Variants in SGSM1 observed in about 807,000 individuals in gnomAD.
SGSM1 encodes the protein small G protein signaling modulator 1, also known as RUN and TBC1 domain containing 2.
A neutral mutation model predicts 133.8 loss-of-function variants in SGSM1; 73 were observed. The ratio of observed to expected loss-of-function variants is 0.55; its 90% CI spans 0.45 to 0.66. SGSM1 has a LOEUF of 0.66. Ranked by LOEUF, SGSM1 falls within the 30% of genes least tolerant of loss-of-function variation. The pLI is 0.00. For synonymous variants in SGSM1, 563 were observed against 573.0 expected, an observed-to-expected ratio of 0.98 and a Z score of 0.25; for missense variants, 1,213 against 1,448.1, an observed-to-expected ratio of 0.84 and a Z score of 2.64.
At chr22:24,895,574 G>A (rs1932895422) in intron 18 of SGSM1, among the ~76,000 whole-genome samples, 1 of 152,118 alleles carries the variant, frequency 6.6e-6, no homozygotes, top group Non-Finnish European at 1.5e-5. Context: ...ACTATCATGA[G>A]TTTGCTGTGT....
chr22:24,835,096 G>A (rs1371966867), intron 2 of SGSM1, among the ~76,000 whole-genome samples: 2 of 152,078 alleles, frequency 1.3e-5, no homozygotes, highest in East Asian at 1.9e-4. Context: ...TACTGCCCTT[G>A]GTGGTGATGT....
chr22:24,858,766 C>T (rs1395536891), intron 8 of SGSM1, among the ~76,000 whole-genome samples: 1 of 152,166 alleles, frequency 6.6e-6, no homozygotes, highest in Non-Finnish European at 1.5e-5. Flanking sequence ...TTCCTATGGG[C>T]ACAGCAGGTT....
rs1286553491 is a variant in SGSM1 at position 24,901,867 on chromosome 22, A to G, written c.2645A>G (p.His882Arg). Residue 882 changes from histidine to arginine, a missense_variant, in exon 20 of 25, where the codon CAC (histidine) becomes CGC (arginine). Physicochemically the swap from His to Arg is conservative, Grantham distance 29. Transcript: ENST00000400358. The stretch of plus-strand genomic sequence containing the variant: ...CTGGATCTGTACACGGTGAACCTGC[A>G]CCGCATCGAGAAGGATGTGCAGAGG... ...ELLDLYTVNL[H>R]RIEKDVQRCD... 6.2e-7 allele frequency: 1 copy of G among 1,612,566 alleles called. No homozygotes were observed. Among genetic ancestry groups the G allele is most frequent in the Non-Finnish European group, 8.5e-7 (1 of 1,179,454 alleles).
intron 2 of SGSM1, among the ~76,000 whole-genome samples, chr22:24,807,226 T>C (rs1436371520): frequency 6.6e-6 from 1 of 152,148 alleles, no homozygotes; most frequent in Non-Finnish European, 1.5e-5. Context: ...TTTATAGTCC[T>C]TGGGGTAGCA....
intron 9 of SGSM1, among the ~76,000 whole-genome samples, chr22:24,860,893 G>A (rs1244513709): frequency 1.7e-5 from 1 of 59,846 alleles, no homozygotes; most frequent in African/African-American, 8.3e-5. Context: ...GAGCGAGACT[G>A]TCTTAAAAAA....
At chr22:24,908,300 G>C (rs532390979) in intron 21 of SGSM1, among the ~76,000 whole-genome samples, 1 of 150,858 alleles carries the variant, frequency 6.6e-6, no homozygotes, top group Non-Finnish European at 1.5e-5. Context: ...CTTGGGCTAG[G>C]GAATTTTTTT....
At position 24,831,125 on chromosome 22, in the gene SGSM1, A is replaced by C. The variant is rs1929095211; in HGVS notation, c.64-13772A>C. Among the ~76,000 whole-genome samples the C allele has an allele frequency of 2.1e-5, 3 of 141,488 alleles. No homozygotes were observed. The South Asian group carries it at 6.2e-4, about 29-fold the overall frequency. 92.8% of individuals were successfully genotyped at this position (141,488 alleles called of 152,430 possible). The stretch of plus-strand genomic sequence containing the variant: ...TGCAGGTTAGTGGTCCTTGATGGAG[A>C]CGGAGGTCAGCGTGCAGGAGGGTTA... On this transcript the variant is annotated intron_variant, in intron 2 of 24. Coordinates refer to ENST00000400358, the MANE Select transcript of SGSM1 (RefSeq NM_001098497.3).
chr22:24,834,482 A>G (rs1474381915), intron 2 of SGSM1, among the ~76,000 whole-genome samples: 2 of 152,218 alleles, frequency 1.3e-5, no homozygotes, highest in African/African-American at 4.8e-5. Context: ...AATAGTTGAC[A>G]TGGAGATCAT....
intron 4 of SGSM1, among the ~76,000 whole-genome samples, 165 bp from the exon 5 acceptor site, chr22:24,850,115 A>C (rs1308674810): frequency 6.6e-6 from 1 of 151,874 alleles, no homozygotes; most frequent in Non-Finnish European, 1.5e-5. Context: ...GGGTATTACT[A>C]TTTTTTCAAC....
At chr22:24,834,774 A>G (rs1407054264) in intron 2 of SGSM1, among the ~76,000 whole-genome samples, 1 of 85,956 alleles carries the variant, frequency 1.2e-5, no homozygotes, top group African/African-American at 4.5e-5. Context: ...TTTTTTTTTT[A>G]TTGTGACGGA....
At chr22:24,923,726 G>A (rs1387350083) in intron 24 of SGSM1, among the ~76,000 whole-genome samples, 5 of 152,108 alleles carry the variant, frequency 3.3e-5, no homozygotes, top group East Asian at 1.9e-4. Context: ...GGGTTCAAGC[G>A]ATTCTTCTGC....
At chr22:24,915,316 G>T (rs546449871) in intron 22 of SGSM1, among the ~76,000 whole-genome samples, 29 of 152,338 alleles carry the variant, frequency 1.9e-4, no homozygotes, top group Non-Finnish European at 4.1e-4. Flanking sequence ...CAACAACTTT[G>T]CTTGGGCATC....
At chr22:24,863,466 G>T (rs62231152) in intron 9 of SGSM1, among the ~76,000 whole-genome samples, 2 of 151,920 alleles carry the variant, frequency 1.3e-5, no homozygotes, top group Admixed American at 1.3e-4. Context: ...CATCGTAGGC[G>T]CTTTGATACT....
intron 22 of SGSM1, among the ~76,000 whole-genome samples, chr22:24,916,042 GTT>G (rs11337461): frequency 0.41 from 61,680 of 151,716 alleles, 12,987 homozygotes; most frequent in East Asian, 0.7. Context: ...TCCACCATCT[GTT>G]TTTTTTTATA....
chr22:24,883,762 G>A (rs770637961), intron 14 of SGSM1, among the ~76,000 whole-genome samples: 4 of 152,158 alleles, frequency 2.6e-5, no homozygotes, highest in Non-Finnish European at 1.5e-5. Context: ...TTCGAGGCCA[G>A]CCTGGGCAAG....
At chr22:24,905,603 C>T (rs996848603) in intron 21 of SGSM1, among the ~76,000 whole-genome samples, 36 of 151,726 alleles carry the variant, frequency 2.4e-4, no homozygotes, top group African/African-American at 5.1e-4. Flanking sequence ...CTGGTGAACA[C>T]GGTGAAACCC....
intron 22 of SGSM1, among the ~76,000 whole-genome samples, chr22:24,916,831 C>T (rs1933836834): frequency 6.6e-6 from 1 of 152,128 alleles, no homozygotes; most frequent in South Asian, 2.1e-4. Flanking sequence ...ATGAATAACA[C>T]ATTACACACA....
intron 12 of SGSM1, among the ~76,000 whole-genome samples, chr22:24,869,377 A>G (rs1328134795): frequency 6.6e-6 from 1 of 151,926 alleles, no homozygotes; most frequent in African/African-American, 2.4e-5. Context: ...AAAATTAGCC[A>G]GGTGTGGTGG....
chr22:24,821,752 T>G (rs1928482510), intron 2 of SGSM1, among the ~76,000 whole-genome samples: 1 of 152,158 alleles, frequency 6.6e-6, no homozygotes, highest in South Asian at 2.1e-4. Context: ...AAGTCTGTAT[T>G]TAAGACTTAT....
Sources: allele counts gnomAD v4.1 joint callset (sites outside exome capture counted in the v4.1 genomes callset), GRCh38; gene constraint gnomAD v4.1.1; transcripts MANE v1.5; gene names NCBI Gene and HGNC (gene_info 2026-07-23, HGNC 2026-07-21).